ZNF526: variants seen among roughly 807,000 people sequenced by gnomAD.
ZNF526 encodes the protein zinc finger protein 526.
A neutral mutation model predicts 32.4 loss-of-function variants in ZNF526; 16 were observed. The ratio of observed to expected loss-of-function variants is 0.49; its 90% CI spans 0.33 to 0.75. The LOEUF is 0.75. Ranked by LOEUF, ZNF526 falls within the 30% of genes least tolerant of loss-of-function variation. ZNF526 has a pLI of 0.02. For missense variants in ZNF526, 838 were observed against 920.7 expected, an observed-to-expected ratio of 0.91 and a Z score of 1.16; for synonymous variants, 355 against 363.4, an observed-to-expected ratio of 0.98 and a Z score of 0.26.
Position 42,225,340 on chromosome 19 carries a change from A to G in ZNF526, c.937A>G (p.Ser313Gly), listed in dbSNP as rs1370051131. The change falls in exon 3 of 3, where the codon AGT becomes GGT. Residue 313 changes from serine to glycine, a missense_variant. Ser to Gly is a moderately conservative substitution (Grantham distance 56). Coordinates refer to ENST00000301215, the MANE Select transcript of ZNF526 (RefSeq NM_133444.3). ...HPFHCSQCQRSFSSANRLQAH... is the reference protein window; with the variant it reads ...HPFHCSQCQRGFSSANRLQAH... Reference sequence around the variant, plus strand: ...CTTCCACTGCAGCCAGTGTCAGCGCAGTTTCAGCTCCGCCAACCGGCTGCA... The same window carrying G: ...CTTCCACTGCAGCCAGTGTCAGCGCGGTTTCAGCTCCGCCAACCGGCTGCA... 1 of 1,613,836 alleles carries G rather than the reference A, an allele frequency of 6.2e-7. No individual in the cohort carries two copies. The highest frequency in any genetic ancestry group is 1.7e-4 in the Middle Eastern group (1 of 6,060).
chr19:42,220,965 G>C (rs1469165300), intron 1 of ZNF526, among the ~76,000 whole-genome samples: 1 of 152,154 alleles, frequency 6.6e-6, no homozygotes, highest in Non-Finnish European at 1.5e-5. Flanking sequence ...CTTCCAGGAA[G>C]GTCCTTTGTG....
In ZNF526 at chr19:42,225,853, C is replaced by G; in HGVS notation, c.1450C>G (p.Leu484Val). 6.2e-7 allele frequency: 1 copy of G among 1,614,178 alleles called. No individual in the cohort carries two copies. The highest frequency in any genetic ancestry group is 8.5e-7 in the Non-Finnish European group (1 of 1,180,040). The change falls in exon 3 of 3, where the codon CTG (leucine) becomes GTG (valine). Residue 484 changes from leucine to valine, a missense_variant. Leu to Val is a conservative substitution (Grantham distance 32, BLOSUM62 1). Transcript: ENST00000301215. Reference protein sequence around the residue: ...CGVCGKGFKKLIHVRNHLRTH... With the variant: ...CGVCGKGFKKVIHVRNHLRTH... The stretch of plus-strand genomic sequence containing the variant: ...GGTTTGTGGCAAGGGCTTCAAGAAG[C>G]TGATCCACGTGCGCAACCACCTGCG...
rs774637970 is a variant in ZNF526 at position 42,225,193 on chromosome 19, G to T, written c.790G>T (p.Gly264Cys). The change falls in exon 3 of 3, where the codon GGT (glycine) becomes TGT (cysteine). Residue 264 changes from glycine to cysteine, a missense_variant. Gly to Cys is a radical substitution (Grantham distance 159). Coordinates refer to ENST00000301215, the MANE Select transcript of ZNF526 (RefSeq NM_133444.3). ...MAEVGDDAVG[G>C]DESTAGWAQG... ...AGAGGTCGGTGATGATGCTGTGGGA[G>T]GTGACGAGTCCACAGCTGGCTGGGC... is the stretch of plus-strand genomic sequence containing the variant. 3.1e-6 allele frequency: 5 copies of T among 1,614,094 alleles called. No homozygotes were observed. Among genetic ancestry groups the T allele is most frequent in the Non-Finnish European group, 3.4e-6 (4 of 1,180,032 alleles).
Position 42,225,579 on chromosome 19 carries a change from C to T in ZNF526, c.1176C>T (p.Cys392=), listed in dbSNP as rs372668627. The change falls in exon 3 of 3, where the codon TGC becomes TGT. Residue 392 remains cysteine, a synonymous_variant. Transcript: ENST00000301215. ...CCAACCCATTGCATCGCTGTCGTTGCGGCAAGACGTTCAGCAACATGACCA... is the reference window on the plus strand; with the variant it reads ...CCAACCCATTGCATCGCTGTCGTTGTGGCAAGACGTTCAGCAACATGACCA... ...HTANPLHRCR[C]GKTFSNMTKF... 1.7e-5 allele frequency: 28 copies of T among 1,608,084 alleles called. No homozygotes were observed. Among genetic ancestry groups the T allele is most frequent in the African/African-American group, 1.2e-4 (9 of 74,930 alleles).
rs572070570 is a variant in ZNF526, at chr19:42,225,329, A to G, written c.926A>G (p.Gln309Arg). 6.2e-6 allele frequency: 10 copies of G among 1,613,358 alleles called. No individual in the cohort carries two copies. In the South Asian group the frequency reaches 8.8e-5, roughly 14 times the overall value. The change falls in exon 3 of 3, where the codon CAG becomes CGG. Residue 309 changes from glutamine to arginine, a missense_variant. By Grantham distance (43) the Gln-to-Arg change is conservative (BLOSUM62 1). Coordinates refer to ENST00000301215, the MANE Select transcript of ZNF526 (RefSeq NM_133444.3). Reference protein sequence around the residue: ...ASATHPFHCSQCQRSFSSANR... With the variant: ...ASATHPFHCSRCQRSFSSANR... ...GCCACCCACCCCTTCCACTGCAGCC[A>G]GTGTCAGCGCAGTTTCAGCTCCGCC...
In ZNF526 at chr19:42,226,599, C is replaced by A; in HGVS notation, c.*183C>A. The A allele has an allele frequency of 1.3e-6, 1 of 787,850 alleles. No homozygotes were observed. Among genetic ancestry groups the A allele is most frequent in the South Asian group, 1.6e-5 (1 of 64,254 alleles). The allele number at this position is 787,850 out of a possible 1,614,324, so 48.8% of individuals were successfully genotyped here. ...TCCAGGCTTCTCTTGTCATCTTTCT[C>A]TGCCTGAGGGGAAACTGAAGCTCTG... On this transcript the variant is annotated 3_prime_UTR_variant, in exon 3 of 3. Coordinates refer to ENST00000301215, the MANE Select transcript of ZNF526 (RefSeq NM_133444.3).
In ZNF526 at chr19:42,226,145, G is replaced by A. The variant is rs1382068576; in HGVS notation, c.1742G>A (p.Trp581Ter). 1 of 1,606,882 alleles carries A rather than the reference G, an allele frequency of 6.2e-7. No homozygotes were observed. The highest frequency in any genetic ancestry group is 2.2e-5 in the East Asian group (1 of 44,898). Residue 581 changes from tryptophan (W) to a stop codon, truncating the protein, a stop_gained, in exon 3 of 3, where the codon TGG (tryptophan) becomes TAG (stop). Coordinates refer to ENST00000301215, the MANE Select transcript of ZNF526 (RefSeq NM_133444.3). LOFTEE classifies it high-confidence loss of function. ...TACTACTGCGGGACTTGTGGCCGCT[G>A]GTTCCGCGCCATGGCGGGCTTGCGA... ...SPYYCGTCGR[W>*]FRAMAGLRLH...
Position 42,226,946 on chromosome 19 carries a change from A to G in ZNF526, c.*530A>G, listed in dbSNP as rs576734890. 5.7e-5 allele frequency: 13 copies of G among 227,506 alleles called. No homozygotes were observed. Among genetic ancestry groups the G allele is most frequent in the African/African-American group, 2.5e-4 (11 of 43,782 alleles). 14.1% of individuals were successfully genotyped at this position (227,506 alleles called of 1,614,324 possible). A position where few individuals can be genotyped will look rare whatever the true frequency, so the allele number is the denominator to read the frequency against. ...TAGGTACCCAGGTCCTCAGCTCCAG[A>G]CTGGGTGATGCTGGAGACCCAGGAG... On this transcript the variant is annotated 3_prime_UTR_variant, in exon 3 of 3. Coordinates refer to ENST00000301215, the MANE Select transcript of ZNF526 (RefSeq NM_133444.3).
At position 42,226,531 on chromosome 19, in the gene ZNF526, C is replaced by A; in HGVS notation, c.*115C>A. The stretch of plus-strand genomic sequence containing the variant: ...CTGGTACCCACCATGTGCCAGGATC[C>A]ACCCTGGCCTCTTTTTACCCACTGA... On this transcript the variant is annotated 3_prime_UTR_variant, in exon 3 of 3. Coordinates refer to ENST00000301215, the MANE Select transcript of ZNF526 (RefSeq NM_133444.3). 1 of 1,432,614 alleles carries A rather than the reference C, an allele frequency of 7.0e-7. No individual in the cohort carries two copies. Among genetic ancestry groups the A allele is most frequent in the Non-Finnish European group, 9.8e-7 (1 of 1,023,548 alleles). The allele number at this position is 1,432,614 out of a possible 1,614,324, so 88.7% of individuals were successfully genotyped here.
chr19:42,224,853 C>G lies in ZNF526; in HGVS notation c.450C>G (p.Pro150=). The change falls in exon 3 of 3, where the codon CCC becomes CCG. Residue 150 remains proline (P), a synonymous_variant. Coordinates refer to ENST00000301215, the MANE Select transcript of ZNF526 (RefSeq NM_133444.3). ...GCTGGGACTGCCAGGAGCTGTTCCC[C>G]TCGCCCGAGCTGTGGGTGGCTCATC... The part of the protein sequence containing the change: ...YQCWDCQELF[P]SPELWVAHRK... 6.2e-7 allele frequency: 1 copy of G among 1,613,976 alleles called. No individual in the cohort carries two copies.
At position 42,226,410 on chromosome 19, in the gene ZNF526, CGT is replaced by C; in HGVS notation, c.2011_2012del (p.Ter671ThrfsTer27). 1 of 1,614,220 alleles carries C rather than the reference CGT, an allele frequency of 6.2e-7. No homozygotes were observed. Among genetic ancestry groups the C allele is most frequent in the Non-Finnish European group, 8.5e-7 (1 of 1,180,044 alleles). On this transcript the variant is annotated frameshift_variant, in exon 3 of 3. Transcript: ENST00000301215. LOFTEE classifies it high-confidence loss of function. ...GGLLQLDTAF[V>X] Reference sequence around the variant, plus strand: ...GGCTCTTGCAGTTGGACACGGCCTTCGTGTGACGCAGCTGAAAAGCAACAACA... The same window carrying C: ...GGCTCTTGCAGTTGGACACGGCCTTCGTGACGCAGCTGAAAAGCAACAACA...
chr19:42,223,801 G>A (rs2036144463), intron 1 of ZNF526, among the ~76,000 whole-genome samples: 1 of 118,980 alleles, frequency 8.4e-6, no homozygotes, highest in Admixed American at 9.9e-5. Context: ...TGGCAACAGA[G>A]CAAGAGTCCA....
At position 42,226,607 on chromosome 19, in the gene ZNF526, G is replaced by A; in HGVS notation, c.*191G>A. 2 of 771,562 alleles carry A rather than the reference G, an allele frequency of 2.6e-6. No individual in the cohort carries two copies. The highest frequency in any genetic ancestry group is 1.7e-5 in the African/African-American group (1 of 58,018). The allele number at this position is 771,562 out of a possible 1,614,324, so 47.8% of individuals were successfully genotyped here. ...TCTCTTGTCATCTTTCTCTGCCTGA[G>A]GGGAAACTGAAGCTCTGAAATGCGA... is the stretch of plus-strand genomic sequence containing the variant. On this transcript the variant is annotated 3_prime_UTR_variant, in exon 3 of 3. Transcript: ENST00000301215.
In ZNF526 at chr19:42,224,298, G is replaced by A. The variant is rs141402232; in HGVS notation, c.-25G>A. ...AACAGTGGATTAAGACTTCCTGAGCGATAGCTGGTGAGTAGTGGGATGTGC... is the reference window on the plus strand; with the variant it reads ...AACAGTGGATTAAGACTTCCTGAGCAATAGCTGGTGAGTAGTGGGATGTGC... On this transcript the variant is annotated 5_prime_UTR_variant, in exon 2 of 3. Coordinates refer to ENST00000301215, the MANE Select transcript of ZNF526 (RefSeq NM_133444.3). 21 of 943,330 alleles carry A rather than the reference G, an allele frequency of 2.2e-5. No homozygotes were observed. The highest frequency in any genetic ancestry group is 4.0e-5 in the South Asian group (3 of 74,322). 58.4% of individuals were successfully genotyped at this position (943,330 alleles called of 1,614,324 possible).
rs200018551 is a variant in ZNF526, at chr19:42,226,078, G to A, written c.1675G>A (p.Ala559Thr). ...CTTGCGGCCAGTCGCCTTTGCCCGC[G>A]CCCCCCGCCTCCCCATCACTGGTCT... The part of the protein sequence containing the change: ...LHLRPVAFAR[A>T]PRLPITGLYN... The change falls in exon 3 of 3, where the codon GCC becomes ACC. Residue 559 changes from alanine to threonine, a missense_variant. Coordinates refer to ENST00000301215, the MANE Select transcript of ZNF526 (RefSeq NM_133444.3). The A allele has an allele frequency of 1.9e-4, 309 of 1,606,912 alleles. No individual in the cohort carries two copies. In the Admixed American group the frequency reaches 4.7e-3, roughly 24 times the overall value.
Position 42,225,277 on chromosome 19 carries a change from C to G in ZNF526, c.874C>G (p.Arg292Gly), listed in dbSNP as rs776766689. 1.3e-5 allele frequency: 21 copies of G among 1,612,872 alleles called. No homozygotes were observed. The highest frequency in any genetic ancestry group is 1.8e-5 in the Non-Finnish European group (21 of 1,179,320). The change falls in exon 3 of 3, where the codon CGG (arginine) becomes GGG (glycine). Residue 292 changes from arginine (R) to glycine (G), a missense_variant. By Grantham distance (125) the Arg-to-Gly change is moderately radical. Coordinates refer to ENST00000301215, the MANE Select transcript of ZNF526 (RefSeq NM_133444.3). Reference protein sequence around the residue: ...QPSAGARRQHRRTAHSPASAT... With the variant: ...QPSAGARRQHGRTAHSPASAT... ...CTCAGCAGGGGCTCGCCGGCAACAC[C>G]GGCGGACGGCTCACAGCCCGGCATC...
In ZNF526 at chr19:42,224,342, C is replaced by A; in HGVS notation, c.-18+37C>A. 3.4e-6 allele frequency: 5 copies of A among 1,470,880 alleles called. No individual in the cohort carries two copies. The South Asian group carries it at 5.7e-5, about 17-fold the overall frequency. The allele number at this position is 1,470,880 out of a possible 1,614,324, so 91.1% of individuals were successfully genotyped here. A position where few individuals can be genotyped will look rare whatever the true frequency, so the allele number is the denominator to read the frequency against. On this transcript the variant is annotated intron_variant, in intron 2 of 2. Transcript: ENST00000301215. ...GATGTGCAAGAGAATTCCACCTCCC[C>A]TTGGTTTCCTGCTGTCTCACTGGCT...
chr19:42,223,530 A>G (rs2036142040), intron 1 of ZNF526, among the ~76,000 whole-genome samples: 2 of 152,228 alleles, frequency 1.3e-5, no homozygotes, highest in East Asian at 1.9e-4. Flanking sequence ...AGTCCCAGCT[A>G]CTCGGGAGGC....
Position 42,226,768 on chromosome 19 carries a change from ACT to A in ZNF526, c.*356_*357del. 2.4e-6 allele frequency: 1 copy of A among 408,768 alleles called. No individual in the cohort carries two copies. Among genetic ancestry groups the A allele is most frequent in the South Asian group, 2.2e-5 (1 of 45,214 alleles). The allele number at this position is 408,768 out of a possible 1,614,324, so 25.3% of individuals were successfully genotyped here. On this transcript the variant is annotated 3_prime_UTR_variant, in exon 3 of 3. Coordinates refer to ENST00000301215, the MANE Select transcript of ZNF526 (RefSeq NM_133444.3). ...AGCTTATGCCAGGTCTGTGCTGGCC[ACT>A]CTCATATACCTCTTCAGATCCTCTG...
Sources: gnomAD v4.1 joint callset for allele counts (sites outside exome capture counted in the v4.1 genomes callset) on GRCh38, gnomAD v4.1.1 for gene constraint, MANE v1.5 for transcripts, NCBI Gene and HGNC (gene_info 2026-07-23, HGNC 2026-07-21) for gene names.